PCM1: variants seen among roughly 807,000 people sequenced by gnomAD.
The protein encoded by PCM1 is pericentriolar material 1.
A neutral mutation model predicts 241.9 loss-of-function variants in PCM1; 157 were observed. That is an observed-to-expected ratio of 0.65 (90% confidence interval 0.57 to 0.74). The LOEUF (loss-of-function observed/expected upper bound fraction) is 0.74. PCM1 is among the 30% of genes least tolerant of loss of function. PCM1 has a pLI of 0.00. For missense variants in PCM1, 3,478 were observed against 2,360.1 expected (o/e 1.47, Z -9.81); for synonymous variants, 1,085 against 784.9 (o/e 1.38, Z -6.39).
chr8:17,960,474 G>A (rs747231198), intron 15 of PCM1, 30 bp downstream of exon 15: 1 of 1,538,814 alleles, frequency 6.5e-7, no homozygotes. Flanking sequence ...CTAATTGTCT[G>A]AAAAAAGATG....
In PCM1 at chr8:18,009,712, G is replaced by T. The variant is rs372586890; in HGVS notation, c.5128G>T (p.Ala1710Ser). 3.6e-5 allele frequency: 54 copies of T among 1,499,572 alleles called. No individual in the cohort carries two copies. Among genetic ancestry groups the T allele is most frequent in the Non-Finnish European group, 4.8e-5 (54 of 1,125,846 alleles). 92.9% of individuals were successfully genotyped at this position (1,499,572 alleles called of 1,614,324 possible). A position where few individuals can be genotyped will look rare whatever the true frequency, so the allele number is the denominator to read the frequency against. ...ACAGAGATGCAAAAGGAAAATAGAA[G>T]CAACTGGAGTGATACAATCTTGTGC... ...VKQRCKRKIE[A>S]TGVIQSCAKE... The change falls in exon 31 of 39, where the codon GCA (alanine) becomes TCA (serine). Residue 1710 changes from alanine (A) to serine (S), a missense_variant. Transcript: ENST00000325083.
intron 36 of PCM1, among the ~76,000 whole-genome samples, chr8:18,018,793 G>C (rs1190789946): frequency 6.9e-6 from 1 of 145,160 alleles, no homozygotes; most frequent in Non-Finnish European, 1.5e-5. Flanking sequence ...CCTGGCCACA[G>C]AGCCAGATTC....
chr8:17,944,994 C>A (rs1586275438), intron 6 of PCM1, among the ~76,000 whole-genome samples: 1 of 151,966 alleles, frequency 6.6e-6, no homozygotes, highest in Admixed American at 6.6e-5. Context: ...ATATTTTTTT[C>A]TCCTAATTAT....
In PCM1 at chr8:18,016,575, A is replaced by T. The variant is rs113799487; in HGVS notation, c.5841+1735A>T. 8.1e-4 allele frequency among the ~76,000 whole-genome samples: 123 copies of T among 152,356 alleles called. 1 individual carries two copies. Among genetic ancestry groups the T allele is most frequent in the African/African-American group, 2.9e-3 (120 of 41,580 alleles). On this transcript the variant is annotated intron_variant, in intron 36 of 38. Transcript: ENST00000325083. Reference sequence around the variant, plus strand: ...TGTTGTATACAGGCTTCTAAAAGACATAATTCCAAAATTGCCTTGCTAAAA... The same window carrying T: ...TGTTGTATACAGGCTTCTAAAAGACTTAATTCCAAAATTGCCTTGCTAAAA...
At chr8:17,949,239 A>C (rs1345683554) in intron 7 of PCM1, among the ~76,000 whole-genome samples, 1 of 152,164 alleles carries the variant, frequency 6.6e-6, no homozygotes, top group Non-Finnish European at 1.5e-5. Flanking sequence ...ATGAAAAGCC[A>C]TGGAAAGCTA....
intron 30 of PCM1, among the ~76,000 whole-genome samples, chr8:18,008,500 C>T (rs1308943695): frequency 6.6e-6 from 1 of 152,068 alleles, no homozygotes; most frequent in African/African-American, 2.4e-5. Flanking sequence ...CCGAAACCTT[C>T]CCCCAAGCTA....
intron 3 of PCM1, among the ~76,000 whole-genome samples, chr8:17,935,955 C>T (rs2060289028): frequency 6.6e-6 from 1 of 152,104 alleles, no homozygotes. Context: ...TTAAGACATG[C>T]AGCTGGGTTT....
rs1348853898 is a variant in PCM1, at chr8:17,939,802, C to T, written c.724C>T (p.Leu242=). 6.5e-7 allele frequency: 1 copy of T among 1,540,802 alleles called. No individual in the cohort carries two copies. Among genetic ancestry groups the T allele is most frequent in the Admixed American group, 1.9e-5 (1 of 51,896 alleles). ...TGCTAATGTTGAGCGCCTTACTCATCTAATAGATCACCTTAAAGAACAAGA... is the reference window on the plus strand; with the variant it reads ...TGCTAATGTTGAGCGCCTTACTCATTTAATAGATCACCTTAAAGAACAAGA... ...RSANVERLTH[L]IDHLKEQEKS... The change falls in exon 6 of 39, where the codon CTA becomes TTA. Residue 242 remains leucine, a synonymous_variant. Coordinates refer to ENST00000325083, the MANE Select transcript of PCM1 (RefSeq NM_006197.4).
chr8:17,979,350 G>A (rs948652274), intron 23 of PCM1, among the ~76,000 whole-genome samples: 1 of 152,156 alleles, frequency 6.6e-6, no homozygotes, highest in African/African-American at 2.4e-5. Context: ...AAGGAAGCAA[G>A]TTTTATGTGT....
chr8:17,944,420 A>G (rs920471586), intron 6 of PCM1, among the ~76,000 whole-genome samples: 37 of 152,156 alleles, frequency 2.4e-4, no homozygotes, highest in African/African-American at 7.2e-4. Context: ...GTCAAAATAC[A>G]TTAGGATCCA....
chr8:17,979,902 G>A (rs867007490), intron 23 of PCM1, among the ~76,000 whole-genome samples: 4 of 152,106 alleles, frequency 2.6e-5, no homozygotes, highest in African/African-American at 2.4e-5. Context: ...TGTATAACTT[G>A]TGTTTCTAAA....
intron 29 of PCM1, 99 bp from the exon 30 acceptor site, chr8:18,006,164 C>G: frequency 1.0e-6 from 1 of 960,294 alleles, no homozygotes; most frequent in South Asian, 2.5e-5. Context: ...GCATCTACGG[C>G]AAGAAAATTA....
At chr8:17,985,765 G>A in intron 25 of PCM1, 146 bp downstream of exon 25, 3 of 795,026 alleles carry the variant, frequency 3.8e-6, no homozygotes, top group Non-Finnish European at 1.9e-6. Flanking sequence ...TAAAATTTTT[G>A]TATAGCTTAA....
intron 38 of PCM1, 70 bp downstream of exon 38, chr8:18,025,728 A>T (rs907410322): frequency 1.2e-6 from 1 of 866,182 alleles, no homozygotes; most frequent in African/African-American, 1.7e-5. Flanking sequence ...ATTGTGTTTT[A>T]TTTTTTAAAT....
intron 27 of PCM1, among the ~76,000 whole-genome samples, chr8:17,990,540 G>A (rs1448931292): frequency 6.6e-6 from 1 of 150,982 alleles, no homozygotes; most frequent in African/African-American, 2.4e-5. Flanking sequence ...GGTTTAGAGG[G>A]TTGCCTGGCT....
chr8:18,008,627 A>G (rs1336031266), intron 30 of PCM1, among the ~76,000 whole-genome samples: 3 of 152,156 alleles, frequency 2.0e-5, no homozygotes, highest in East Asian at 3.9e-4. Flanking sequence ...GCATCTTTCT[A>G]TATAAGGCTT....
At position 17,967,045 on chromosome 8, in the gene PCM1, A is replaced by C; in HGVS notation, c.3287A>C (p.Lys1096Thr). The stretch of plus-strand genomic sequence containing the variant: ...CAGCATCCAGAAAAACCTGGAGGCA[A>C]GGAAAGAGGCAGTAGTGCATCGCAC... The part of the protein sequence containing the change: ...QNQHPEKPGG[K>T]ERGSSASHPP... The change falls in exon 21 of 39, where the codon AAG becomes ACG. Residue 1096 changes from lysine to threonine, a missense_variant. Lys to Thr is a moderately conservative substitution (Grantham distance 78, BLOSUM62 -1). Coordinates refer to ENST00000325083, the MANE Select transcript of PCM1 (RefSeq NM_006197.4). The C allele has an allele frequency of 6.2e-7, 1 of 1,609,740 alleles. No individual in the cohort carries two copies. The highest frequency in any genetic ancestry group is 8.5e-7 in the Non-Finnish European group (1 of 1,177,900).
chr8:17,992,941 T>TG (rs986397321), intron 28 of PCM1, among the ~76,000 whole-genome samples: 7 of 151,256 alleles, frequency 4.6e-5, no homozygotes, highest in Non-Finnish European at 8.9e-5. Context: ...GATGGTTTTT[T>TG]TTTTTTTTTT....
Position 17,989,590 on chromosome 8 carries a change from T to G in PCM1, c.4411-269T>G, listed in dbSNP as rs140718272. ...ATGTAAAATGTTAACTTTGCCAAAT[T>G]AGAATTTAATCAGTAGCTGTCTTTG... On this transcript the variant is annotated intron_variant, in intron 26 of 38. Transcript: ENST00000325083. Among the ~76,000 whole-genome samples, 6 of 152,008 alleles carry G rather than the reference T, an allele frequency of 3.9e-5. No homozygotes were observed. The East Asian group carries it at 5.8e-4, about 15-fold the overall frequency.
Sources: gnomAD v4.1 joint callset for allele counts (sites outside exome capture counted in the v4.1 genomes callset) on GRCh38, gnomAD v4.1.1 for gene constraint, MANE v1.5 for transcripts, NCBI Gene and HGNC (gene_info 2026-07-23, HGNC 2026-07-21) for gene names.